PTK7: variants seen among roughly 807,000 people sequenced by gnomAD.
PTK7 encodes inactive tyrosine-protein kinase 7.
In PTK7, 39 loss-of-function variants were observed where a neutral mutation model predicts 116.6. That is an observed-to-expected ratio of 0.33 (90% CI 0.26 to 0.44). The LOEUF is 0.44. Among genes scored for constraint, PTK7 ranks in the 20% least tolerant of loss-of-function variants. The pLI is 1.00. For missense variants in PTK7, 1,169 were observed against 1,425.6 expected (o/e 0.82, Z 2.90); for synonymous variants, 546 against 563.6 (o/e 0.97, Z 0.44).
rs145913204 is a variant in PTK7, at chr6:43,106,024, T to G, written c.80-22953T>G. On this transcript the variant is annotated intron_variant, in intron 1 of 19. Transcript: ENST00000230419. ...GCCATTCTCTCCATGACAAAGAGCT[T>G]CTTCAGTCCATTTCCTACCCTAGCA... is the stretch of plus-strand genomic sequence containing the variant. 3.2e-3 allele frequency among the ~76,000 whole-genome samples: 494 copies of G among 152,276 alleles called. 4 individuals carry two copies. Among genetic ancestry groups the G allele is most frequent in the African/African-American group, 0.012 (479 of 41,552 alleles).
At chr6:43,138,451 A>C (rs1183560349) in intron 7 of PTK7, 2 of 157,068 alleles carry the variant, frequency 1.3e-5, no homozygotes, top group East Asian at 3.7e-4. Context: ...GCTTGAAGCC[A>C]GGAGTTTGAG....
chr6:43,155,110 C>A (rs1012706694), intron 17 of PTK7, among the ~76,000 whole-genome samples: 1 of 152,196 alleles, frequency 6.6e-6, no homozygotes, highest in South Asian at 2.1e-4. Flanking sequence ...GGCTGCAGCC[C>A]CCCATCAAGA....
At chr6:43,084,670 G>T (rs1427139847) in intron 1 of PTK7, among the ~76,000 whole-genome samples, 3 of 152,232 alleles carry the variant, frequency 2.0e-5, no homozygotes, top group Non-Finnish European at 4.4e-5. Context: ...AAGAAGACAA[G>T]ATGGAGAAAC....
chr6:43,124,593 T>C (rs1477911882), intron 1 of PTK7, among the ~76,000 whole-genome samples: 1 of 151,672 alleles, frequency 6.6e-6, no homozygotes, highest in Non-Finnish European at 1.5e-5. Flanking sequence ...GGAGGATCAC[T>C]TGAGCCCTGG....
intron 14 of PTK7, 179 bp from the exon 15 acceptor site, chr6:43,144,272 A>G (rs1287513653): frequency 4.2e-5 from 30 of 713,306 alleles, no homozygotes; most frequent in Non-Finnish European, 6.5e-5. Flanking sequence ...GGGGATAGCC[A>G]TACATCCCCC....
intron 1 of PTK7, among the ~76,000 whole-genome samples, chr6:43,107,451 G>C (rs1455837892): frequency 2.0e-5 from 3 of 152,238 alleles, no homozygotes; most frequent in Non-Finnish European, 2.9e-5. Flanking sequence ...TGCATAATGG[G>C]GATCATAGTA....
At chr6:43,104,633 G>T (rs1398940355) in intron 1 of PTK7, among the ~76,000 whole-genome samples, 1 of 151,844 alleles carries the variant, frequency 6.6e-6, no homozygotes, top group Non-Finnish European at 1.5e-5. Context: ...AACCATGTTG[G>T]CCCAGGCTGG....
chr6:43,101,603 G>T (rs1178624909), intron 1 of PTK7, among the ~76,000 whole-genome samples: 1 of 151,978 alleles, frequency 6.6e-6, no homozygotes, highest in Non-Finnish European at 1.5e-5. Flanking sequence ...ATAGTTTTGA[G>T]GGAAAATTTT....
In PTK7 at chr6:43,076,939, C is replaced by T; in HGVS notation, c.79+372C>T. 1 of 1,513,752 alleles carries T rather than the reference C, an allele frequency of 6.6e-7. No individual in the cohort carries two copies. 93.8% of individuals were successfully genotyped at this position (1,513,752 alleles called of 1,614,324 possible). On this transcript the variant is annotated intron_variant, in intron 1 of 19. Coordinates refer to ENST00000230419, the MANE Select transcript of PTK7 (RefSeq NM_002821.5). This position sits in a 1 kb window ranked among gnomAD's most constrained non-coding sequence, Gnocchi z 5.7. ...CCATCCGCACCCACCGTGGGGAGCG[C>T]GATGGAGAAAAAGGAATTCCCCACC...
chr6:43,125,720 T>C (rs1769248075), intron 1 of PTK7, among the ~76,000 whole-genome samples: 1 of 152,162 alleles, frequency 6.6e-6, no homozygotes, highest in Admixed American at 6.6e-5. Flanking sequence ...GATGAACCAT[T>C]TGCAAGGCAC....
At chr6:43,085,777 T>C (rs1219171130) in intron 1 of PTK7, among the ~76,000 whole-genome samples, 2 of 151,154 alleles carry the variant, frequency 1.3e-5, no homozygotes, top group Non-Finnish European at 3.0e-5. Context: ...CTAGTAAAAA[T>C]ATAAAATTAG....
At chr6:43,137,830 G>A (rs78673387) in intron 7 of PTK7, among the ~76,000 whole-genome samples, 2,554 of 152,050 alleles carry the variant, frequency 0.017, 66 homozygotes, top group African/African-American at 0.058. Flanking sequence ...TATTTGAGAT[G>A]GAGTCTCACT....
chr6:43,145,523 C>G lies in PTK7; in HGVS notation c.2640+91C>G, dbSNP rs1347303187. 1 of 1,116,876 alleles carries G rather than the reference C, an allele frequency of 9.0e-7. No individual in the cohort carries two copies. The highest frequency in any genetic ancestry group is 1.6e-5 in the African/African-American group (1 of 64,116). The allele number at this position is 1,116,876 out of a possible 1,614,324, so 69.2% of individuals were successfully genotyped here. On this transcript the variant is annotated intron_variant, in intron 16 of 19. Coordinates refer to ENST00000230419, the MANE Select transcript of PTK7 (RefSeq NM_002821.5). The surrounding 1 kb of genome is among the most constrained non-coding windows in gnomAD (Gnocchi z 4.8). ...TCAGTGGTTGGAGCACCGTGAAAAC[C>G]TTGTCTCGTGCAGTCTCAGCCGAGA...
chr6:43,103,933 G>A (rs1051265283), intron 1 of PTK7, among the ~76,000 whole-genome samples: 3 of 152,146 alleles, frequency 2.0e-5, no homozygotes, highest in Non-Finnish European at 4.4e-5. Context: ...GTCTGCACCC[G>A]GGGTGAAAAT....
At chr6:43,078,463 C>T (rs979720707) in intron 1 of PTK7, among the ~76,000 whole-genome samples, 3 of 152,102 alleles carry the variant, frequency 2.0e-5, no homozygotes, top group African/African-American at 7.2e-5. Context: ...CAGTGGAGGC[C>T]GAGGCGCCTG....
At chr6:43,107,071 C>T (rs1039391060) in intron 1 of PTK7, among the ~76,000 whole-genome samples, 1 of 151,948 alleles carries the variant, frequency 6.6e-6, no homozygotes, top group African/African-American at 2.4e-5. Context: ...TATAGGTGTG[C>T]ACCACCATGC....
Position 43,143,648 on chromosome 6 carries a change from G to A in PTK7, c.2251+28G>A. On this transcript the variant is annotated intron_variant, in intron 14 of 19. Coordinates refer to ENST00000230419, the MANE Select transcript of PTK7 (RefSeq NM_002821.5). The surrounding 1 kb of genome is among the most constrained non-coding windows in gnomAD (Gnocchi z 4.2). Reference sequence around the variant, plus strand: ...GAGGGGCCCTGGACGGGGAGGTGGTGCCCGTGTGCGGGAGCTGAGCGCCCT... The same window carrying A: ...GAGGGGCCCTGGACGGGGAGGTGGTACCCGTGTGCGGGAGCTGAGCGCCCT... 2 of 1,598,500 alleles carry A rather than the reference G, an allele frequency of 1.3e-6. No homozygotes were observed. The highest frequency in any genetic ancestry group is 2.2e-5 in the South Asian group (2 of 90,206).
At chr6:43,091,255 G>A (rs760398570) in intron 1 of PTK7, among the ~76,000 whole-genome samples, 62 of 151,398 alleles carry the variant, frequency 4.1e-4, no homozygotes, top group South Asian at 6.3e-4. Context: ...CTGTCTCCTG[G>A]GTTCAAGTGA....
Position 43,160,974 on chromosome 6 carries a change from C to A in PTK7, c.*93C>A. The A allele has an allele frequency of 6.8e-7, 1 of 1,473,138 alleles. No homozygotes were observed. Among genetic ancestry groups the A allele is most frequent in the East Asian group, 2.4e-5 (1 of 41,576 alleles). The allele number at this position is 1,473,138 out of a possible 1,614,324, so 91.3% of individuals were successfully genotyped here. ...GGGCAAGATCCCTGTCCTCCTGGGC[C>A]CTGAGGCCCCTGCCCTAGTGCAACA... On this transcript the variant is annotated 3_prime_UTR_variant, in exon 20 of 20. Transcript: ENST00000230419.
Sources: allele counts gnomAD v4.1 joint callset (sites outside exome capture counted in the v4.1 genomes callset), GRCh38; gene constraint gnomAD v4.1.1; non-coding constraint Gnocchi (gnomAD v3.1); transcripts MANE v1.5; gene names NCBI Gene and HGNC (gene_info 2026-07-23, HGNC 2026-07-21).